MAPK10: variants seen among roughly 807,000 people sequenced by gnomAD.
MAPK10 encodes JNK3 alpha protein kinase.
A neutral mutation model predicts 59.3 loss-of-function variants in MAPK10; 25 were observed. That is an observed-to-expected ratio of 0.42 (90% CI 0.31 to 0.59). The LOEUF (loss-of-function observed/expected upper bound fraction) is 0.59. Among genes scored for constraint, MAPK10 ranks in the 20% least tolerant of loss-of-function variants. MAPK10 has a pLI of 0.15. For missense variants in MAPK10, 351 were observed against 568.9 expected (o/e 0.62, Z 3.90); for synonymous variants, 190 against 200.5 (o/e 0.95, Z 0.44).
intron 1 of MAPK10, among the ~76,000 whole-genome samples, chr4:86,365,440 A>T (rs1413117930): frequency 4.5e-5 from 4 of 88,064 alleles, no homozygotes; most frequent in African/African-American, 1.7e-4. Flanking sequence ...TCAAAAAAAA[A>T]AAAAAAAAAA....
At chr4:86,249,389 C>T (rs2093299862) in intron 2 of MAPK10, among the ~76,000 whole-genome samples, 1 of 152,146 alleles carries the variant, frequency 6.6e-6, no homozygotes, top group African/African-American at 2.4e-5. Flanking sequence ...ATCACATCCC[C>T]ATTAGCTGCT....
chr4:86,219,193 G>C (rs2088774435), intron 2 of MAPK10, among the ~76,000 whole-genome samples: 1 of 151,228 alleles, frequency 6.6e-6, no homozygotes, highest in Admixed American at 6.6e-5. Flanking sequence ...GAGAGAGAGA[G>C]ATTTCCATGG....
rs1034826885 is a variant in MAPK10 at position 86,067,695 on chromosome 4, G to A, written c.985+78C>T. On this transcript the variant is annotated intron_variant, in intron 10 of 13. Coordinates refer to ENST00000641462, the MANE Select transcript of MAPK10 (RefSeq NM_138982.4). ...AAATAAAAGGGAACAAAGAGAAAGAGATAGAGGTCTCTATACTGTGTGCTT... is the reference window on the plus strand; with the variant it reads ...AAATAAAAGGGAACAAAGAGAAAGAAATAGAGGTCTCTATACTGTGTGCTT... 5.1e-6 allele frequency: 6 copies of A among 1,165,082 alleles called. No homozygotes were observed. The South Asian group carries it at 9.0e-5, about 17-fold the overall frequency. The allele number at this position is 1,165,082 out of a possible 1,614,324, so 72.2% of individuals were successfully genotyped here.
chr4:86,463,263 C>T (rs1579304924), intron 1 of MAPK10, among the ~76,000 whole-genome samples: 1 of 152,176 alleles, frequency 6.6e-6, no homozygotes, highest in African/African-American at 2.4e-5. Context: ...AAGATTGTTT[C>T]TTTACTATCC....
chr4:86,548,186 C>T (rs537505214), intron 1 of MAPK10, among the ~76,000 whole-genome samples: 7 of 152,152 alleles, frequency 4.6e-5, no homozygotes, highest in Non-Finnish European at 7.3e-5. Flanking sequence ...AGCGAGACCA[C>T]GAACCCACCG....
At chr4:86,095,367 T>G (rs1355754690) in intron 9 of MAPK10, 2 of 151,900 alleles carry the variant, frequency 1.3e-5, no homozygotes, top group African/African-American at 4.8e-5. Flanking sequence ...GGTTCAAGTT[T>G]AAAAGTTCTG....
intron 2 of MAPK10, among the ~76,000 whole-genome samples, chr4:86,299,762 G>A (rs189489969): frequency 6.6e-5 from 10 of 152,256 alleles, no homozygotes; most frequent in African/African-American, 2.2e-4. Context: ...CAGGAAAAGA[G>A]TTTAATTATA....
chr4:86,322,401 G>GA (rs1426946351), intron 2 of MAPK10, among the ~76,000 whole-genome samples: 1 of 152,140 alleles, frequency 6.6e-6, no homozygotes, highest in Non-Finnish European at 1.5e-5. Flanking sequence ...TAAAGCAGCA[G>GA]AAAAAAAGGA....
chr4:86,425,653 T>C (rs1747178834), intron 1 of MAPK10, among the ~76,000 whole-genome samples: 1 of 152,196 alleles, frequency 6.6e-6, no homozygotes, highest in South Asian at 2.1e-4. Flanking sequence ...ATTTTAAATA[T>C]ATGTCACAAA....
At chr4:86,024,409 G>A (rs1749103813) in intron 13 of MAPK10, 1 of 152,130 alleles carries the variant, frequency 6.6e-6, no homozygotes, top group Admixed American at 6.5e-5. Flanking sequence ...CACTCCTACT[G>A]CACTTATTTT....
intron 3 of MAPK10, among the ~76,000 whole-genome samples, chr4:86,185,104 A>C (rs2077869505): frequency 1.3e-5 from 2 of 152,160 alleles, no homozygotes; most frequent in South Asian, 4.1e-4. Context: ...GCATCGTTAA[A>C]CTTTGAGTTG....
chr4:86,398,233 A>G (rs951560093), intron 1 of MAPK10, among the ~76,000 whole-genome samples: 7 of 151,996 alleles, frequency 4.6e-5, no homozygotes, highest in African/African-American at 1.4e-4. Flanking sequence ...AAACAAAAAA[A>G]AAAAGAAAAG....
intron 1 of MAPK10, among the ~76,000 whole-genome samples, chr4:86,447,780 T>A (rs1170921834): frequency 6.6e-6 from 1 of 152,240 alleles, no homozygotes; most frequent in Non-Finnish European, 1.5e-5. Flanking sequence ...TCCTAAAATG[T>A]GTATCTTAAA....
At chr4:86,195,773 T>C (rs890609485) in intron 2 of MAPK10, among the ~76,000 whole-genome samples, 1 of 152,100 alleles carries the variant, frequency 6.6e-6, no homozygotes. Context: ...CCTGTGTCCA[T>C]GTGTTCTCAT....
intron 2 of MAPK10, among the ~76,000 whole-genome samples, chr4:86,293,805 C>T (rs1038188699): frequency 6.6e-6 from 1 of 152,092 alleles, no homozygotes; most frequent in African/African-American, 2.4e-5. Flanking sequence ...AAACAACTCA[C>T]TCACTATCAA....
At chr4:86,422,125 AT>A (rs890034696) in intron 1 of MAPK10, among the ~76,000 whole-genome samples, 2 of 151,826 alleles carry the variant, frequency 1.3e-5, no homozygotes, top group East Asian at 1.9e-4. Context: ...TCAGTTAACT[AT>A]TTTTTTTACA....
At chr4:86,542,136 T>C (rs549357708) in intron 1 of MAPK10, among the ~76,000 whole-genome samples, 196 of 152,286 alleles carry the variant, frequency 1.3e-3, no homozygotes, top group African/African-American at 4.6e-3. Context: ...TATTGAGAGA[T>C]AGAAGTATTA....
intron 1 of MAPK10, among the ~76,000 whole-genome samples, chr4:86,506,146 A>C (rs56222033): frequency 0.22 from 33,304 of 152,146 alleles, 4,544 homozygotes; most frequent in Admixed American, 0.3. Flanking sequence ...AGCGTATTAC[A>C]TTCCAAAAGA....
intron 1 of MAPK10, among the ~76,000 whole-genome samples, chr4:86,418,579 A>G (rs1225297435): frequency 1.3e-5 from 2 of 152,210 alleles, no homozygotes; most frequent in African/African-American, 4.8e-5. Context: ...TTTGTTTTTA[A>G]CAGTCTTCCC....
Sources: gnomAD v4.1 joint callset for allele counts (sites outside exome capture counted in the v4.1 genomes callset) on GRCh38, gnomAD v4.1.1 for gene constraint, MANE v1.5 for transcripts, NCBI Gene and HGNC (gene_info 2026-07-23, HGNC 2026-07-21) for gene names.